M1AP: variants seen among roughly 807,000 people sequenced by gnomAD.
The protein encoded by M1AP is meiosis 1 associated protein.
Under a neutral mutation model 51.2 loss-of-function variants are expected in M1AP, and 39 were observed. The observed-to-expected ratio is 0.76, with a 90% CI of 0.59 to 1.00. The LOEUF is 1.00. M1AP is among the 50% of genes least tolerant of loss of function. M1AP has a pLI of 0.00. For synonymous variants in M1AP, 251 were observed against 249.2 expected (o/e 1.01, Z -0.07); for missense variants, 545 against 641.2 (o/e 0.85, Z 1.62).
At chr2:74,615,384 A>C in intron 2 of M1AP, 1 of 494,198 alleles carries the variant, frequency 2.0e-6, no homozygotes, top group South Asian at 2.4e-5. Flanking sequence ...AGTTACCAGA[A>C]ACATGAAAGG....
chr2:74,599,517 T>C (rs898937495), intron 4 of M1AP, among the ~76,000 whole-genome samples: 1 of 152,158 alleles, frequency 6.6e-6, no homozygotes, highest in Non-Finnish European at 1.5e-5. Flanking sequence ...AAATCCACCC[T>C]TTTCACACTG....
At chr2:74,560,968 A>T (rs1677884996) in intron 8 of M1AP, among the ~76,000 whole-genome samples, 1 of 151,094 alleles carries the variant, frequency 6.6e-6, no homozygotes. Context: ...CAGCCCTCCC[A>T]CTCTTAGCCT....
chr2:74,614,654 T>G (rs945834174), intron 3 of M1AP, among the ~76,000 whole-genome samples: 1 of 152,228 alleles, frequency 6.6e-6, no homozygotes, highest in African/African-American at 2.4e-5. Context: ...GTTTAACATT[T>G]TCTTTACAAC....
At chr2:74,560,678 A>G (rs906855019) in intron 8 of M1AP, among the ~76,000 whole-genome samples, 1 of 152,154 alleles carries the variant, frequency 6.6e-6, no homozygotes, top group Non-Finnish European at 1.5e-5. Context: ...AGGCGAGTAC[A>G]TGGAGTTCTC....
At chr2:74,648,054 T>G in intron 1 of M1AP, 4 of 985,510 alleles carry the variant, frequency 4.1e-6, no homozygotes, top group Non-Finnish European at 4.8e-6. Context: ...CGCGCAGGCC[T>G]GGCCGCCCAG....
intron 10 of M1AP, 50 bp from the exon 11 acceptor site, chr2:74,558,924 A>C: frequency 2.6e-6 from 4 of 1,527,090 alleles, no homozygotes; most frequent in Non-Finnish European, 3.5e-6. Context: ...GTTTCTGAGC[A>C]CCTATCCCAT....
At chr2:74,629,645 G>A (rs1192660813) in intron 2 of M1AP, among the ~76,000 whole-genome samples, 3 of 152,054 alleles carry the variant, frequency 2.0e-5, no homozygotes, top group East Asian at 1.9e-4. Flanking sequence ...CCAGAAACTC[G>A]GGAGACTGAG....
intron 4 of M1AP, among the ~76,000 whole-genome samples, chr2:74,591,099 T>C (rs1680014543): frequency 6.6e-6 from 1 of 152,204 alleles, no homozygotes; most frequent in African/African-American, 2.4e-5. Flanking sequence ...TTGTGGACTT[T>C]AAAGCACCAT....
At chr2:74,640,438 T>A in intron 1 of M1AP, 111 bp from the exon 2 acceptor site, 1 of 896,132 alleles carries the variant, frequency 1.1e-6, no homozygotes, top group Non-Finnish European at 1.6e-6. Flanking sequence ...TCAGATTGGG[T>A]ACTAAAGCTT....
At chr2:74,632,496 T>C (rs1682761211) in intron 2 of M1AP, among the ~76,000 whole-genome samples, 1 of 152,128 alleles carries the variant, frequency 6.6e-6, no homozygotes, top group South Asian at 2.1e-4. Context: ...TACTCAGTAC[T>C]TTTCCACTCC....
chr2:74,596,583 A>T (rs1298778832), intron 4 of M1AP, among the ~76,000 whole-genome samples: 1 of 149,440 alleles, frequency 6.7e-6, no homozygotes, highest in African/African-American at 2.5e-5. Flanking sequence ...CTCCATCTCA[A>T]AAGAACAACA....
At chr2:74,644,620 G>A (rs1683490974) in intron 1 of M1AP, among the ~76,000 whole-genome samples, 1 of 151,572 alleles carries the variant, frequency 6.6e-6, no homozygotes, top group African/African-American at 2.4e-5. Context: ...TCCCTTTTTG[G>A]ATAGTGGAAG....
At chr2:74,596,153 A>G (rs1340865489) in intron 4 of M1AP, among the ~76,000 whole-genome samples, 1 of 152,228 alleles carries the variant, frequency 6.6e-6, no homozygotes, top group African/African-American at 2.4e-5. Context: ...TGGACTCTAC[A>G]TTCTAAATAA....
chr2:74,615,584 G>T (rs1308670253), intron 2 of M1AP: 2 of 179,422 alleles, frequency 1.1e-5, no homozygotes, highest in African/African-American at 4.7e-5. Context: ...TGAGAATTTT[G>T]ATGTGGTTGA....
chr2:74,630,271 T>G (rs1247073777), intron 2 of M1AP, among the ~76,000 whole-genome samples: 3 of 152,224 alleles, frequency 2.0e-5, no homozygotes, highest in Non-Finnish European at 4.4e-5. Flanking sequence ...ATATTTTTAA[T>G]AGGCTCCCCT....
At chr2:74,564,738 C>T (rs1678264455) in intron 7 of M1AP, among the ~76,000 whole-genome samples, 1 of 152,138 alleles carries the variant, frequency 6.6e-6, no homozygotes, top group Admixed American at 6.5e-5. Flanking sequence ...TGGGTTGGAC[C>T]TGCCCCTGCT....
At chr2:74,611,890 T>TTTG (rs1681378417) in intron 3 of M1AP, among the ~76,000 whole-genome samples, 1 of 72,544 alleles carries the variant, frequency 1.4e-5, no homozygotes, top group Non-Finnish European at 2.9e-5. Context: ...GTGTTTTTTT[T>TTTG]TTTTTTTTTT....
At chr2:74,576,674 G>C in intron 5 of M1AP, 56 bp from the exon 6 acceptor site, 26 of 1,581,456 alleles carry the variant, frequency 1.6e-5, no homozygotes, top group Non-Finnish European at 2.2e-5. Flanking sequence ...AAGGATTGTG[G>C]GTAATAAGTT....
intron 2 of M1AP, among the ~76,000 whole-genome samples, chr2:74,623,757 A>C (rs1037142784): frequency 7.9e-5 from 12 of 152,270 alleles, no homozygotes; most frequent in African/African-American, 2.9e-4. Flanking sequence ...CTGCAGCCTC[A>C]AACTCCCAGG....
Sources: gnomAD v4.1 joint callset for allele counts (sites outside exome capture counted in the v4.1 genomes callset) on GRCh38, gnomAD v4.1.1 for gene constraint, MANE v1.5 for transcripts, NCBI Gene and HGNC (gene_info 2026-07-23, HGNC 2026-07-21) for gene names.